Variants in HAPLN2 observed in about 807,000 individuals in gnomAD.
The protein encoded by HAPLN2 is brain link protein-1.
A neutral mutation model predicts 29.3 loss-of-function variants in HAPLN2; 27 were observed. The observed-to-expected ratio is 0.92, with a 90% CI of 0.68 to 1.27. The LOEUF (loss-of-function observed/expected upper bound fraction) is 1.27, where lower values mean the gene tolerates loss of function less well. Among genes scored for constraint, HAPLN2 ranks in the 50% most tolerant of loss-of-function variants. The probability of loss-of-function intolerance (pLI) is 0.00; values close to 1 mark genes in which losing one functional copy is unlikely to be tolerated. For missense variants in HAPLN2, 454 were observed against 484.3 expected (o/e 0.94, Z 0.59); for synonymous variants, 208 against 211.7 (o/e 0.98, Z 0.15).
rs989336847 is a variant in HAPLN2, at chr1:156,625,613, G to T, written c.*229G>T. 1.9e-5 allele frequency: 9 copies of T among 468,394 alleles called. No individual in the cohort carries two copies. The East Asian group carries it at 3.2e-4, about 17-fold the overall frequency. The allele number at this position is 468,394 out of a possible 1,614,324, so 29.0% of individuals were successfully genotyped here. Reference sequence around the variant, plus strand: ...AGATGCAGAGGTGACCCTCGGACCCGCTGCCGTTCGCGAACCCTAGCAGAG... The same window carrying T: ...AGATGCAGAGGTGACCCTCGGACCCTCTGCCGTTCGCGAACCCTAGCAGAG... On this transcript the variant is annotated 3_prime_UTR_variant, in exon 7 of 7. Coordinates refer to ENST00000255039, the MANE Select transcript of HAPLN2 (RefSeq NM_021817.3). This position sits in a 1 kb window ranked among gnomAD's most constrained non-coding sequence, Gnocchi z 5.7.
At position 156,624,081 on chromosome 1, in the gene HAPLN2, G is replaced by A; in HGVS notation, c.360G>A (p.Leu120=). The change falls in exon 4 of 7, where the codon CTG becomes CTA. Residue 120 remains leucine (L), a synonymous_variant. Coordinates refer to ENST00000255039, the MANE Select transcript of HAPLN2 (RefSeq NM_021817.3). ...DASLVIAGVR[L]EDEGRYRCEL... is the part of the protein sequence containing the mutation. ...CCCTGGTCATCGCGGGCGTGCGCCT[G>A]GAGGACGAGGGCCGGTACCGCTGCG... 6.2e-7 allele frequency: 1 copy of A among 1,613,654 alleles called. No individual in the cohort carries two copies. The highest frequency in any genetic ancestry group is 8.5e-7 in the Non-Finnish European group (1 of 1,179,922).
At position 156,625,609 on chromosome 1, in the gene HAPLN2, AC is replaced by A; in HGVS notation, c.*228del. 2.1e-6 allele frequency: 1 copy of A among 471,700 alleles called. No homozygotes were observed. Among genetic ancestry groups the A allele is most frequent in the Non-Finnish European group, 3.7e-6 (1 of 273,016 alleles). 29.2% of individuals were successfully genotyped at this position (471,700 alleles called of 1,614,324 possible). A position where few individuals can be genotyped will look rare whatever the true frequency, so the allele number is the denominator to read the frequency against. On this transcript the variant is annotated 3_prime_UTR_variant, in exon 7 of 7. Transcript: ENST00000255039. The surrounding 1 kb of genome is among the most constrained non-coding windows in gnomAD (Gnocchi z 5.7). ...GGCGAGATGCAGAGGTGACCCTCGG[AC>A]CCGCTGCCGTTCGCGAACCCTAGCA...
the HAPLN2 span, among the ~76,000 whole-genome samples, chr1:156,613,483 A>C: frequency 6.6e-6 from 1 of 152,212 alleles, no homozygotes; most frequent in Admixed American, 6.5e-5. Context: ...TCATTGTATC[A>C]AGTTCTGCAG....
rs867662567 is a variant in HAPLN2, at chr1:156,625,247, G to A, written c.886G>A (p.Ala296Thr). 6.4e-7 allele frequency: 1 copy of A among 1,573,440 alleles called. No homozygotes were observed. Among genetic ancestry groups the A allele is most frequent in the Admixed American group, 1.8e-5 (1 of 54,470 alleles). Residue 296 changes from alanine to threonine, a missense_variant, in exon 7 of 7, where the codon GCT becomes ACT. Physicochemically the swap from Ala to Thr is moderately conservative, Grantham distance 58 (BLOSUM62 0). Transcript: ENST00000255039. This position sits in a 1 kb window ranked among gnomAD's most constrained non-coding sequence, Gnocchi z 5.7. ...AGACCAGTGCGACGGCGGCTGGCTG[G>A]CTGACGGCAGTGTGCGCTTCCCAAT... is the stretch of plus-strand genomic sequence containing the variant. ...GLDQCDGGWL[A>T]DGSVRFPITT...
the HAPLN2 span, among the ~76,000 whole-genome samples, chr1:156,603,519 G>A: frequency 1.3e-5 from 2 of 149,458 alleles, no homozygotes; most frequent in Admixed American, 1.3e-4. Flanking sequence ...ATATATGTGT[G>A]TATGTATGTA....
chr1:156,623,614 G>T, intron 3 of HAPLN2, 39 bp downstream of exon 3: 1 of 1,611,904 alleles, frequency 6.2e-7, no homozygotes, highest in Non-Finnish European at 8.5e-7. Flanking sequence ...GGGGAGGCTT[G>T]GGGAGACTGC....
chr1:156,624,520 C>T (rs1415789114), intron 5 of HAPLN2, 53 bp downstream of exon 5: 31 of 1,604,176 alleles, frequency 1.9e-5, no homozygotes, highest in Non-Finnish European at 2.0e-5. Context: ...TCTCAGGGGC[C>T]CGAGAGAGGG....
At chr1:156,616,620 G>A (rs912009689), upstream of HAPLN2, among the ~76,000 whole-genome samples, 1 of 152,208 alleles carries the variant, frequency 6.6e-6, no homozygotes, top group Non-Finnish European at 1.5e-5. Flanking sequence ...GCCGGAGGCT[G>A]TTTGTTTGAG....
the HAPLN2 span, among the ~76,000 whole-genome samples, chr1:156,604,582 C>A: frequency 6.6e-6 from 1 of 152,086 alleles, no homozygotes; most frequent in Admixed American, 6.5e-5. Flanking sequence ...CCACCGTGCC[C>A]GGCCAAAGAA....
the HAPLN2 span, among the ~76,000 whole-genome samples, chr1:156,602,884 C>T: frequency 6.6e-6 from 1 of 152,110 alleles, no homozygotes; most frequent in Non-Finnish European, 1.5e-5. Flanking sequence ...TCTGCCTCCC[C>T]ATATCGGTAT....
At chr1:156,618,303 C>G (rs1219360568), upstream of HAPLN2, among the ~76,000 whole-genome samples, 2 of 28,984 alleles carry the variant, frequency 6.9e-5, no homozygotes, top group Non-Finnish European at 1.4e-4. Context: ...CAGACTCTGT[C>G]TCAAAAAAAA....
the HAPLN2 span, among the ~76,000 whole-genome samples, chr1:156,607,138 A>G: frequency 3.9e-5 from 6 of 152,168 alleles, no homozygotes; most frequent in African/African-American, 1.4e-4. Context: ...GTCATCGAAT[A>G]ATTTTTTTCT....
At chr1:156,623,077 TA>T (rs1034541693) in intron 2 of HAPLN2, among the ~76,000 whole-genome samples, 1 of 124,590 alleles carries the variant, frequency 8.0e-6, no homozygotes, top group African/African-American at 2.9e-5. Flanking sequence ...AATAAATAAA[TA>T]AAATAAAAAA....
At chr1:156,623,680 A>G in intron 3 of HAPLN2, 105 bp downstream of exon 3, 2 of 1,545,586 alleles carry the variant, frequency 1.3e-6, no homozygotes, top group African/African-American at 2.7e-5. Context: ...ACTGAAAGTC[A>G]TTGCTGAGAA....
chr1:156,614,912 T>G (rs933077131), upstream of HAPLN2: 2 of 152,202 alleles, frequency 1.3e-5, no homozygotes, highest in Admixed American at 1.3e-4. Flanking sequence ...TGCAAACAGC[T>G]TCTTGACATT....
chr1:156,609,049 G>A, the HAPLN2 span, among the ~76,000 whole-genome samples: 1 of 152,164 alleles, frequency 6.6e-6, no homozygotes, highest in African/African-American at 2.4e-5. Flanking sequence ...TTCTCCCTTC[G>A]AACAAGAGCT....
At chr1:156,618,843 G>A (rs1478093176), upstream of HAPLN2, among the ~76,000 whole-genome samples, 2 of 148,172 alleles carry the variant, frequency 1.3e-5, no homozygotes, top group Non-Finnish European at 3.0e-5. Flanking sequence ...GGAAGATTAA[G>A]GATCCCCTTC....
intron 6 of HAPLN2, 113 bp downstream of exon 6, chr1:156,624,896 C>G (rs919653910): frequency 1.5e-6 from 2 of 1,305,304 alleles, no homozygotes; most frequent in East Asian, 2.6e-5. Flanking sequence ...TCCAAGGCAC[C>G]GCCCCCCCAT....
chr1:156,624,632 G>T lies in HAPLN2; in HGVS notation c.588G>T (p.Ala196=), dbSNP rs1278422983. The T allele has an allele frequency of 1.9e-6, 3 of 1,612,610 alleles. No individual in the cohort carries two copies. The highest frequency in any genetic ancestry group is 2.5e-6 in the Non-Finnish European group (3 of 1,179,630). Residue 196 remains alanine, a synonymous_variant, in exon 6 of 7, where the codon GCG becomes GCT. Transcript: ENST00000255039. ...AWTEGLDWCN[A]GWLLEGSVRY... ...CCGAGGGTCTGGACTGGTGTAACGC[G>T]GGCTGGCTGCTCGAGGGCTCCGTGC...
Sources: allele counts gnomAD v4.1 joint callset (sites outside exome capture counted in the v4.1 genomes callset), GRCh38; gene constraint gnomAD v4.1.1; non-coding constraint Gnocchi (gnomAD v3.1); transcripts MANE v1.5; gene names NCBI Gene and HGNC (gene_info 2026-07-23, HGNC 2026-07-21).